Variants in ANKRD30B observed in about 807,000 individuals in gnomAD.
ANKRD30B encodes the protein ankyrin repeat domain 30B.
A neutral mutation model predicts 202.2 loss-of-function variants in ANKRD30B; 144 were observed. The ratio of observed to expected loss-of-function variants is 0.71; its 90% CI spans 0.62 to 0.82. ANKRD30B has a LOEUF of 0.82. ANKRD30B is among the 40% of genes least tolerant of loss of function. The probability of loss-of-function intolerance (pLI) is 0.00; values close to 1 mark genes in which losing one functional copy is unlikely to be tolerated. For missense variants in ANKRD30B, 1,487 were observed against 1,669.1 expected, an observed-to-expected ratio of 0.89 and a Z score of 1.90; for synonymous variants, 508 against 561.3, an observed-to-expected ratio of 0.91 and a Z score of 1.34.
chr18:14,852,109 G>A lies in ANKRD30B; in HGVS notation c.4165G>A (p.Glu1389Lys). 6.2e-7 allele frequency: 1 copy of A among 1,606,650 alleles called. No homozygotes were observed. The highest frequency in any genetic ancestry group is 8.5e-7 in the Non-Finnish European group (1 of 1,175,890). ...VSEHAQRDRC[E>K]TQCQMKKAEH... ...AGAACATGCACAAAGAGACCGATGT[G>A]AAACACAGTGTCAAATGAAGAAAGC... Residue 1389 changes from glutamate (E) to lysine (K), a missense_variant, in exon 42 of 44, where the codon GAA becomes AAA. Around this residue, in one of 6 missense-constraint regions of ANKRD30B, gnomAD observed 182 missense variants for 216.0 expected, o/e 0.84. Coordinates refer to ENST00000690538, the MANE Select transcript of ANKRD30B (RefSeq NM_001367607.2).
rs1969025621 is a variant in ANKRD30B at position 14,797,864 on chromosome 18, G to C, written c.2029+10G>C. 3 of 1,539,068 alleles carry C rather than the reference G, an allele frequency of 1.9e-6. No individual in the cohort carries two copies. Among genetic ancestry groups the C allele is most frequent in the South Asian group, 2.4e-5 (2 of 81,652 alleles). On this transcript the variant is annotated intron_variant, in intron 20 of 43. Coordinates refer to ENST00000690538, the MANE Select transcript of ANKRD30B (RefSeq NM_001367607.2). Reference sequence around the variant, plus strand: ...GAAACACTCAAAGCAGGTACATTTTGTAATTTAAATTTTAATCTGGAATTA... The same window carrying C: ...GAAACACTCAAAGCAGGTACATTTTCTAATTTAAATTTTAATCTGGAATTA...
intron 1 of ANKRD30B, among the ~76,000 whole-genome samples, chr18:14,750,489 C>T (rs1913251646): frequency 6.6e-6 from 1 of 152,100 alleles, no homozygotes; most frequent in Non-Finnish European, 1.5e-5. Flanking sequence ...TATAGTACTC[C>T]TTAAAGTGTA....
intron 16 of ANKRD30B, among the ~76,000 whole-genome samples, chr18:14,793,002 T>TAA (rs1254380193): frequency 1.1e-4 from 16 of 152,278 alleles, no homozygotes; most frequent in African/African-American, 2.2e-4. Flanking sequence ...TAATATTTAA[T>TAA]GTCTGTTGCA....
chr18:14,890,980 A>G, the ANKRD30B span, among the ~76,000 whole-genome samples: 1 of 152,098 alleles, frequency 6.6e-6, no homozygotes, highest in South Asian at 2.1e-4. Flanking sequence ...CTGTATTTTA[A>G]TGACACACTA....
Position 14,851,504 on chromosome 18 carries a change from T to C in ANKRD30B, c.3565-5T>C, listed in dbSNP as rs1334787759. On this transcript the variant is annotated splice_region_variant and splice_polypyrimidine_tract_variant and intron_variant, in intron 41 of 43. Coordinates refer to ENST00000690538, the MANE Select transcript of ANKRD30B (RefSeq NM_001367607.2). ...CTAGTTAAATTTTTATTTTGTTTTA[T>C]TTAGGTTTCTCACACTCATGAAAGT... is the stretch of plus-strand genomic sequence containing the variant. 3.3e-6 allele frequency: 5 copies of C among 1,509,094 alleles called. No homozygotes were observed. The highest frequency in any genetic ancestry group is 4.4e-6 in the Non-Finnish European group (5 of 1,131,900). The allele number at this position is 1,509,094 out of a possible 1,614,324, so 93.5% of individuals were successfully genotyped here.
At chr18:14,930,706 G>C in the ANKRD30B span, among the ~76,000 whole-genome samples, 1 of 151,980 alleles carries the variant, frequency 6.6e-6, no homozygotes, top group South Asian at 2.1e-4. Context: ...AGCATGGGGT[G>C]TCCACAGGCC....
intron 15 of ANKRD30B, among the ~76,000 whole-genome samples, chr18:14,788,559 A>T (rs542539888): frequency 6.7e-6 from 1 of 149,228 alleles, no homozygotes; most frequent in African/African-American, 2.5e-5. Flanking sequence ...CCCACCCCAC[A>T]ACAGTCCCCA....
At chr18:14,879,500 C>T in the ANKRD30B span, among the ~76,000 whole-genome samples, 1 of 151,932 alleles carries the variant, frequency 6.6e-6, no homozygotes, top group South Asian at 2.1e-4. Flanking sequence ...GCGATCATAA[C>T]AATCAACATT....
At chr18:14,935,162 G>A in the ANKRD30B span, among the ~76,000 whole-genome samples, 2 of 152,208 alleles carry the variant, frequency 1.3e-5, no homozygotes, top group African/African-American at 4.8e-5. Context: ...CACAGCCATT[G>A]TCATAGCCTG....
At chr18:14,757,719 T>G (rs1598568506) in intron 4 of ANKRD30B, 96 bp from the exon 5 acceptor site, 1 of 1,330,742 alleles carries the variant, frequency 7.5e-7, no homozygotes, top group East Asian at 2.4e-5. Context: ...CTCAAGATAC[T>G]TATGTTTGTT....
chr18:14,884,738 G>T, the ANKRD30B span, among the ~76,000 whole-genome samples: 1 of 152,102 alleles, frequency 6.6e-6, no homozygotes, highest in Non-Finnish European at 1.5e-5. Flanking sequence ...TGAGAATGGA[G>T]AAATCAGATG....
chr18:14,799,017 G>C (rs759561451), intron 20 of ANKRD30B, 84 bp from the exon 21 acceptor site: 5 of 1,295,972 alleles, frequency 3.9e-6, no homozygotes, highest in Non-Finnish European at 5.6e-6. Flanking sequence ...ATGAGGATTC[G>C]TCTTCATATT....
chr18:14,827,517 G>T (rs573060194), intron 32 of ANKRD30B, among the ~76,000 whole-genome samples: 3 of 152,100 alleles, frequency 2.0e-5, no homozygotes, highest in African/African-American at 7.2e-5. Context: ...ACAGTCAGCT[G>T]TTTTTTTCTA....
At chr18:14,872,678 A>G in the ANKRD30B span, among the ~76,000 whole-genome samples, 1 of 152,118 alleles carries the variant, frequency 6.6e-6, no homozygotes, top group South Asian at 2.1e-4. Context: ...CACTAGTCTT[A>G]TACAGGTGAC....
chr18:14,879,118 T>A, the ANKRD30B span, among the ~76,000 whole-genome samples: 1 of 152,094 alleles, frequency 6.6e-6, no homozygotes, highest in Non-Finnish European at 1.5e-5. Context: ...AGCACAGACC[T>A]TGCGGGCACT....
chr18:14,869,792 A>T, the ANKRD30B span, among the ~76,000 whole-genome samples: 4 of 152,048 alleles, frequency 2.6e-5, no homozygotes, highest in Non-Finnish European at 5.9e-5. Flanking sequence ...AACATTCTTT[A>T]GTATGAACTA....
At chr18:14,773,413 A>C (rs1409516386) in intron 9 of ANKRD30B, among the ~76,000 whole-genome samples, 1 of 152,196 alleles carries the variant, frequency 6.6e-6, no homozygotes, top group Admixed American at 6.5e-5. Flanking sequence ...GAATTTTTAT[A>C]TAATGGAATA....
chr18:14,808,510 G>T (rs777011107), intron 24 of ANKRD30B, 41 bp from the exon 25 acceptor site: 25 of 1,391,502 alleles, frequency 1.8e-5, no homozygotes, highest in Middle Eastern at 4.1e-4. Context: ...GGCTTTGTCA[G>T]GCTTGCATAT....
Position 14,752,579 on chromosome 18 carries a change from T to C in ANKRD30B, c.235T>C (p.Trp79Arg). The C allele has an allele frequency of 1.2e-6, 2 of 1,612,418 alleles. No homozygotes were observed. The highest frequency in any genetic ancestry group is 1.7e-6 in the Non-Finnish European group (2 of 1,179,044). Residue 79 changes from tryptophan (W) to arginine (R), a missense_variant, in exon 2 of 44, where the codon TGG becomes CGG. Physicochemically the swap from Trp to Arg is moderately radical, Grantham distance 101. Coordinates refer to ENST00000690538, the MANE Select transcript of ANKRD30B (RefSeq NM_001367607.2). ...TCACTCTCGTAGGACTGCTCTACACTGGGCCTGTGTCAATGGCCATGCAGA... is the reference window on the plus strand; with the variant it reads ...TCACTCTCGTAGGACTGCTCTACACCGGGCCTGTGTCAATGGCCATGCAGA... ...RDMKKRTALHWACVNGHAEVV... is the reference protein window; with the variant it reads ...RDMKKRTALHRACVNGHAEVV...
Sources: gnomAD v4.1 joint callset for allele counts (sites outside exome capture counted in the v4.1 genomes callset) on GRCh38, gnomAD v4.1.1 for gene constraint, gnomAD v4.1.1 regional missense constraint, MANE v1.5 for transcripts, NCBI Gene and HGNC (gene_info 2026-07-23, HGNC 2026-07-21) for gene names.